Variants in CDH18 observed in about 807,000 individuals in gnomAD.
CDH18 encodes cadherin-18.
CDH18 carries 31 observed loss-of-function variants against 67.9 expected under a neutral mutation model. The observed-to-expected ratio is 0.46, with a 90% CI of 0.34 to 0.62. CDH18 has a LOEUF of 0.62. Ranked by LOEUF, CDH18 falls within the 20% of genes least tolerant of loss-of-function variation. CDH18 has a pLI of 0.01. For missense variants in CDH18, 890 were observed against 975.5 expected (o/e 0.91, Z 1.17); for synonymous variants, 362 against 347.2 (o/e 1.04, Z -0.48).
At chr5:19,986,215 A>T in intron 1 of CDH18, among the ~76,000 whole-genome samples, 1 of 152,214 alleles carries the variant, frequency 6.6e-6, no homozygotes, top group East Asian at 1.9e-4. Flanking sequence ...GAGGAATAAT[A>T]ATTTCCAGAT....
In CDH18 at chr5:19,472,351, T is replaced by C. The variant is rs549151173; in HGVS notation, c.*875A>G. Among the ~76,000 whole-genome samples, 6 of 151,962 alleles carry C rather than the reference T, an allele frequency of 3.9e-5. No homozygotes were observed. The highest frequency in any genetic ancestry group is 3.9e-4 in the Admixed American group (6 of 15,228). ...ACCAAAATTGCTGATTTAAATATAATAAAACAAGTGGAAAAAAGGAAAAAA... is the reference window on the plus strand; with the variant it reads ...ACCAAAATTGCTGATTTAAATATAACAAAACAAGTGGAAAAAAGGAAAAAA... On this transcript the variant is annotated 3_prime_UTR_variant, in exon 13 of 13. Coordinates refer to ENST00000382275, the MANE Select transcript of CDH18 (RefSeq NM_004934.5).
At chr5:20,420,614 G>A (rs1355630678) in intron 1 of CDH18, among the ~76,000 whole-genome samples, 1 of 150,994 alleles carries the variant, frequency 6.6e-6, no homozygotes, top group Non-Finnish European at 1.5e-5. Context: ...CAGTAATAAA[G>A]TTTCAAAAGA....
At chr5:20,338,693 A>G (rs1401002568) in intron 1 of CDH18, among the ~76,000 whole-genome samples, 1 of 152,214 alleles carries the variant, frequency 6.6e-6, no homozygotes, top group Non-Finnish European at 1.5e-5. Flanking sequence ...TTGGAGGTTA[A>G]TCATTCCCTT....
intron 1 of CDH18, among the ~76,000 whole-genome samples, chr5:20,440,575 G>A (rs1749531430): frequency 6.6e-6 from 1 of 151,972 alleles, no homozygotes; most frequent in African/African-American, 2.4e-5. Context: ...CAGTCTAGCA[G>A]AACTAATGTA....
At chr5:19,939,734 G>C (rs1794632616) in intron 2 of CDH18, among the ~76,000 whole-genome samples, 2 of 151,714 alleles carry the variant, frequency 1.3e-5, no homozygotes, top group South Asian at 2.1e-4. Context: ...CTTTCATCTT[G>C]TGGTATGGAA....
intron 3 of CDH18, among the ~76,000 whole-genome samples, chr5:19,765,406 T>TTAA (rs35210328): frequency 6.7e-6 from 1 of 150,180 alleles, no homozygotes; most frequent in Admixed American, 6.6e-5. Context: ...ATTTTTTTTT[T>TTAA]AATAAAAAAG....
chr5:19,751,783 TTAAA>T (rs1430898635), intron 3 of CDH18, among the ~76,000 whole-genome samples: 3 of 152,174 alleles, frequency 2.0e-5, no homozygotes, highest in Non-Finnish European at 2.9e-5. Flanking sequence ...TGTTAAAGAG[TTAAA>T]TAAAGTTTTA....
intron 2 of CDH18, among the ~76,000 whole-genome samples, chr5:20,169,638 C>A (rs1736546445): frequency 6.6e-6 from 1 of 152,116 alleles, no homozygotes; most frequent in South Asian, 2.1e-4. Context: ...CTTTATCCAT[C>A]TCAAACAGTT....
rs1369682406 is a variant in CDH18, at chr5:19,721,439, G to A, written c.551C>T (p.Thr184Ile). 2 of 1,612,318 alleles carry A rather than the reference G, an allele frequency of 1.2e-6. No individual in the cohort carries two copies. The change falls in exon 5 of 13, where the codon ACT becomes ATT. Residue 184 changes from threonine to isoleucine, a missense_variant. By Grantham distance (89) the Thr-to-Ile change is moderately conservative. Transcript: ENST00000382275. The stretch of plus-strand genomic sequence containing the variant: ...TCCATAGGTAGGGTCATCTGCATCA[G>A]TAGCTGTCACCTGTAGAACAGAGGT... Reference protein sequence around the residue: ...MGTSVLQVTATDADDPTYGNS... With the variant: ...MGTSVLQVTAIDADDPTYGNS...
chr5:19,536,976 C>T (rs1003566966), intron 9 of CDH18, among the ~76,000 whole-genome samples: 16 of 152,110 alleles, frequency 1.1e-4, no homozygotes, highest in Middle Eastern at 3.2e-3. Context: ...ACTCAGATAA[C>T]GGTGCAAATG....
chr5:20,182,630 C>T (rs1361435054), intron 2 of CDH18, among the ~76,000 whole-genome samples: 2 of 143,346 alleles, frequency 1.4e-5, no homozygotes, highest in African/African-American at 5.2e-5. Flanking sequence ...AAAGATGGGG[C>T]ATTTTGAGAA....
At chr5:20,423,909 T>C (rs987175856) in intron 1 of CDH18, among the ~76,000 whole-genome samples, 1 of 123,602 alleles carries the variant, frequency 8.1e-6, no homozygotes, top group Non-Finnish European at 1.5e-5. Context: ...ATCGCGCCAC[T>C]GCACTCCAGC....
chr5:19,972,983 TATTA>T (rs748980611), intron 2 of CDH18, among the ~76,000 whole-genome samples: 22 of 151,974 alleles, frequency 1.4e-4, no homozygotes, highest in Non-Finnish European at 2.8e-4. Context: ...TAGTCAATAA[TATTA>T]ATTAATAATA....
chr5:19,568,289 T>C (rs1398938589), intron 8 of CDH18, among the ~76,000 whole-genome samples: 1 of 152,144 alleles, frequency 6.6e-6, no homozygotes, highest in Admixed American at 6.6e-5. Context: ...TGTAATGGCA[T>C]GTGGAGGTAC....
chr5:19,966,026 G>C (rs1364823673), intron 2 of CDH18, among the ~76,000 whole-genome samples: 1 of 152,082 alleles, frequency 6.6e-6, no homozygotes, highest in African/African-American at 2.4e-5. Context: ...AAAGAAAAAG[G>C]CTTTCAGGAG....
At chr5:20,146,627 AAAAAT>A (rs1750669859) in intron 2 of CDH18, among the ~76,000 whole-genome samples, 1 of 151,634 alleles carries the variant, frequency 6.6e-6, no homozygotes, top group African/African-American at 2.4e-5. Flanking sequence ...TAAAAAAAAA[AAAAAT>A]AAAATAAACA....
At chr5:19,513,359 C>T (rs75348943) in intron 10 of CDH18, among the ~76,000 whole-genome samples, 5,162 of 152,120 alleles carry the variant, frequency 0.034, 283 homozygotes, top group African/African-American at 0.12. Flanking sequence ...TAGTAAAAGA[C>T]GACATTGTAA....
intron 1 of CDH18, among the ~76,000 whole-genome samples, chr5:20,568,463 T>C (rs1758636133): frequency 6.6e-6 from 1 of 152,176 alleles, no homozygotes; most frequent in African/African-American, 2.4e-5. Flanking sequence ...GTTAATTATA[T>C]TGATTTATGA....
At chr5:20,093,975 C>T (rs1035352035) in intron 2 of CDH18, among the ~76,000 whole-genome samples, 11 of 151,952 alleles carry the variant, frequency 7.2e-5, no homozygotes, top group African/African-American at 2.7e-4. Context: ...GGATAAGAGC[C>T]TAAGGAGGTA....
Sources: gnomAD v4.1 joint callset for allele counts (sites outside exome capture counted in the v4.1 genomes callset) on GRCh38, gnomAD v4.1.1 for gene constraint, MANE v1.5 for transcripts, NCBI Gene and HGNC (gene_info 2026-07-23, HGNC 2026-07-21) for gene names.